BABAM2: variants seen among roughly 807,000 people sequenced by gnomAD.
The protein encoded by BABAM2 is BRISC and BRCA1-A complex member 2.
Under a neutral mutation model 54.7 loss-of-function variants are expected in BABAM2, and 31 were observed. The observed-to-expected ratio is 0.57, with a 90% CI of 0.43 to 0.77. The LOEUF is 0.77. Among genes scored for constraint, BABAM2 ranks in the 30% least tolerant of loss-of-function variants. The pLI, the probability that BABAM2 is intolerant of heterozygous loss-of-function variation, is 0.00. For synonymous variants in BABAM2, 167 were observed against 162.9 expected (o/e 1.03, Z -0.19); for missense variants, 364 against 455.8 (o/e 0.80, Z 1.83).
intron 10 of BABAM2, among the ~76,000 whole-genome samples, chr2:28,247,518 G>T (rs1683012931): frequency 6.6e-6 from 1 of 152,172 alleles, no homozygotes; most frequent in African/African-American, 2.4e-5. Context: ...TGAAGATGGG[G>T]AGGGGAATAT....
chr2:27,950,774 C>A (rs183700340), intron 3 of BABAM2, among the ~76,000 whole-genome samples: 1 of 151,988 alleles, frequency 6.6e-6, no homozygotes, highest in East Asian at 1.9e-4. Flanking sequence ...CCATCTGGGC[C>A]TGGAGTTTTC....
At chr2:28,169,960 A>G (rs1162464209) in intron 7 of BABAM2, among the ~76,000 whole-genome samples, 1 of 152,112 alleles carries the variant, frequency 6.6e-6, no homozygotes. Context: ...AGAAATATAA[A>G]TGCTTTAAAC....
intron 11 of BABAM2, among the ~76,000 whole-genome samples, chr2:28,335,262 C>T (rs940980997): frequency 6.7e-6 from 1 of 149,162 alleles, no homozygotes; most frequent in Non-Finnish European, 1.5e-5. Flanking sequence ...CTCCGCCTCC[C>T]GGGTTCAAGC....
chr2:28,176,841 C>CAAAAAAA (rs370551860), intron 7 of BABAM2, among the ~76,000 whole-genome samples: 2 of 49,354 alleles, frequency 4.1e-5, no homozygotes, highest in African/African-American at 6.0e-5. Context: ...CCAGTCAGAA[C>CAAAAAAA]AAAAAAAAAA....
chr2:28,327,171 A>G, intron 11 of BABAM2: 2 of 1,247,920 alleles, frequency 1.6e-6, no homozygotes, highest in Non-Finnish European at 2.2e-6. Flanking sequence ...AGCTGGTCCC[A>G]TGGCCGGTGG....
intron 7 of BABAM2, among the ~76,000 whole-genome samples, chr2:28,227,867 A>AT (rs1337912678): frequency 6.6e-6 from 1 of 152,132 alleles, no homozygotes; most frequent in Non-Finnish European, 1.5e-5. Context: ...AACCTAGTAA[A>AT]TTGCCTTCTT....
rs1674837245 is a variant in BABAM2 at position 28,016,571 on chromosome 2, TAA to T, written c.301-8654_301-8653del. ...GGCCCGCCGCAGGTGCATTTCTTTC[TAA>T]TTAACTTCTGTACATCCCAGAATCC... is the stretch of plus-strand genomic sequence containing the variant. On this transcript the variant is annotated intron_variant, in intron 4 of 11. Transcript: ENST00000379624. 3 of 566,508 alleles carry T rather than the reference TAA, an allele frequency of 5.3e-6. No homozygotes were observed. In the African/African-American group the frequency reaches 5.7e-5, roughly 11 times the overall value. 35.1% of individuals were successfully genotyped at this position (566,508 alleles called of 1,614,324 possible).
Position 28,291,524 on chromosome 2 carries a change from G to C in BABAM2, c.935-6814G>C, listed in dbSNP as rs182213640. Among the ~76,000 whole-genome samples, 975 of 151,048 alleles carry C rather than the reference G, an allele frequency of 6.5e-3. 7 individuals are homozygous for C. The highest frequency in any genetic ancestry group is 0.024 in the Middle Eastern group (7 of 292). ...CAGGAGAATCACTTGAATCTGGGAG[G>C]TGGAGGTTGCGGTGAGCCGAGATCA... On this transcript the variant is annotated intron_variant, in intron 10 of 11. Coordinates refer to ENST00000379624, the MANE Select transcript of BABAM2 (RefSeq NM_199191.3).
In BABAM2 at chr2:27,988,107, T is replaced by C. The variant is rs1178595399; in HGVS notation, c.300+20T>C. The C allele has an allele frequency of 5.0e-6, 8 of 1,598,754 alleles. No homozygotes were observed. The highest frequency in any genetic ancestry group is 6.9e-6 in the Non-Finnish European group (8 of 1,166,706). ...TTGCAGGTGAGTACTGCAGACTTGCTTGAATGATCTTTCTTTGGTGAAAGG... is the reference window on the plus strand; with the variant it reads ...TTGCAGGTGAGTACTGCAGACTTGCCTGAATGATCTTTCTTTGGTGAAAGG... On this transcript the variant is annotated intron_variant, in intron 4 of 11. Transcript: ENST00000379624.
Position 28,026,185 on chromosome 2 carries a change from G to C in BABAM2, c.495+765G>C, listed in dbSNP as rs532459831. Among the ~76,000 whole-genome samples, 9 of 152,222 alleles carry C rather than the reference G, an allele frequency of 5.9e-5. No individual in the cohort carries two copies. The East Asian group carries it at 1.7e-3, about 29-fold the overall frequency. ...GGAAGACAGCGTGGTGATTCCTCAA[G>C]AATCTAGAACCAGAAATACCATTTG... is the stretch of plus-strand genomic sequence containing the variant. On this transcript the variant is annotated intron_variant, in intron 5 of 11. Coordinates refer to ENST00000379624, the MANE Select transcript of BABAM2 (RefSeq NM_199191.3).
At chr2:28,061,490 C>T (rs1221854812) in intron 6 of BABAM2, among the ~76,000 whole-genome samples, 1 of 147,768 alleles carries the variant, frequency 6.8e-6, no homozygotes, top group African/African-American at 2.5e-5. Flanking sequence ...GAGGCTGAGG[C>T]AGGAGAATGA....
At chr2:28,092,177 G>A (rs951231316) in intron 6 of BABAM2, among the ~76,000 whole-genome samples, 1 of 152,064 alleles carries the variant, frequency 6.6e-6, no homozygotes, top group Non-Finnish European at 1.5e-5. Flanking sequence ...AGGCAAGGAT[G>A]TACACTCTTA....
rs115519145 is a variant in BABAM2, at chr2:28,090,137, C to G, written c.571-39134C>G. ...AGGTATTATGCTTTTAACTTCTTAACTCCTAGTACATGAGTAAAAGGTAGT... is the reference window on the plus strand; with the variant it reads ...AGGTATTATGCTTTTAACTTCTTAAGTCCTAGTACATGAGTAAAAGGTAGT... On this transcript the variant is annotated intron_variant, in intron 6 of 11. Transcript: ENST00000379624. Among the ~76,000 whole-genome samples, 1,076 of 152,282 alleles carry G rather than the reference C, an allele frequency of 7.1e-3. 1 individual carries two copies. The highest frequency in any genetic ancestry group is 9.2e-3 in the Non-Finnish European group (627 of 68,030).
At chr2:28,230,729 A>AAG (rs1553345048) in intron 7 of BABAM2, among the ~76,000 whole-genome samples, 2 of 151,242 alleles carry the variant, frequency 1.3e-5, no homozygotes, top group Non-Finnish European at 3.0e-5. Flanking sequence ...AAAAAAAAAA[A>AAG]AAGAAGAAGA....
At position 28,152,717 on chromosome 2, in the gene BABAM2, G is replaced by A. The variant is rs568699828; in HGVS notation, c.680+23337G>A. ...ATACCTGAATACCAAAGCCAATGTT[G>A]TAGTCACTGGGAAATTTCTCCTGCT... On this transcript the variant is annotated intron_variant, in intron 7 of 11. Transcript: ENST00000379624. Among the ~76,000 whole-genome samples, 3 of 152,314 alleles carry A rather than the reference G, an allele frequency of 2.0e-5. No individual in the cohort carries two copies. The South Asian group carries it at 6.2e-4, about 32-fold the overall frequency.
intron 3 of BABAM2, among the ~76,000 whole-genome samples, chr2:27,936,906 A>T (rs1668526796): frequency 6.6e-6 from 1 of 152,138 alleles, no homozygotes; most frequent in Admixed American, 6.5e-5. Context: ...TATGTAACTA[A>T]CCTGCACATT....
chr2:28,214,977 A>T (rs889954917), intron 7 of BABAM2, among the ~76,000 whole-genome samples: 2 of 152,156 alleles, frequency 1.3e-5, no homozygotes, highest in South Asian at 4.1e-4. Context: ...ATGAATTCAT[A>T]TTATTGTTAA....
chr2:27,968,337 A>C (rs1573289366), intron 3 of BABAM2, among the ~76,000 whole-genome samples: 1 of 152,226 alleles, frequency 6.6e-6, no homozygotes, highest in African/African-American at 2.4e-5. Flanking sequence ...GGCAGCTTCC[A>C]TGTGGTGTTG....
At chr2:27,985,810 G>A (rs527553704) in intron 3 of BABAM2, among the ~76,000 whole-genome samples, 101 of 152,250 alleles carry the variant, frequency 6.6e-4, no homozygotes, top group Non-Finnish European at 1.2e-3. Context: ...TTGACACAGC[G>A]TGTCACAGTA....
Sources: gnomAD v4.1 joint callset for allele counts (sites outside exome capture counted in the v4.1 genomes callset) on GRCh38, gnomAD v4.1.1 for gene constraint, MANE v1.5 for transcripts, NCBI Gene and HGNC (gene_info 2026-07-23, HGNC 2026-07-21) for gene names.